Variants in KMT5B observed in about 807,000 individuals in gnomAD.
KMT5B encodes the protein histone-lysine N-methyltransferase KMT5B.
In KMT5B, 10 loss-of-function variants were observed where a neutral mutation model predicts 83.2. The ratio of observed to expected loss-of-function variants is 0.12; its 90% CI spans 0.07 to 0.20. The LOEUF (loss-of-function observed/expected upper bound fraction) is 0.20. Among genes scored for constraint, KMT5B ranks in the 10% least tolerant of loss-of-function variants. KMT5B has a pLI of 1.00. For synonymous variants in KMT5B, 349 were observed against 388.8 expected, an observed-to-expected ratio of 0.90 and a Z score of 1.20; for missense variants, 753 against 1,067.2, an observed-to-expected ratio of 0.71 and a Z score of 4.10.
chr11:68,158,054 A>G lies in KMT5B; in HGVS notation c.2292T>C (p.Asn764=). 2 of 1,614,174 alleles carry G rather than the reference A, an allele frequency of 1.2e-6. No homozygotes were observed. Among genetic ancestry groups the G allele is most frequent in the South Asian group, 2.2e-5 (2 of 91,088 alleles). ...DNNLYVAKLN[N]GFNSGSGSSS... ...TACTGCCTGATCCTGAGTTAAATCC[A>G]TTATTAAGCTTTGCTACATAGAGAT... Residue 764 remains asparagine, a synonymous_variant, in exon 11 of 11, where the codon AAT becomes AAC. Coordinates refer to ENST00000304363, the MANE Select transcript of KMT5B (RefSeq NM_017635.5).
At chr11:68,204,611 GTTTTTTT>G (rs34315868) in intron 1 of KMT5B, among the ~76,000 whole-genome samples, 2 of 106,150 alleles carry the variant, frequency 1.9e-5, no homozygotes, top group East Asian at 3.1e-4. Flanking sequence ...TAAATTTCCG[GTTTTTTT>G]TTTTTTTTTT....
chr11:68,172,625 T>C (rs1381139046), intron 6 of KMT5B, among the ~76,000 whole-genome samples: 1 of 152,116 alleles, frequency 6.6e-6, no homozygotes, highest in African/African-American at 2.4e-5. Context: ...AAATCTGGTG[T>C]GTATAGCACA....
rs1357722953 is a variant in KMT5B at position 68,167,272 on chromosome 11, G to C, written c.978-94C>G. ...GGTACTTGGCTACAGGTTAACAGATGTGATGAGCTGCTGAGGCCTTAATCA... is the reference window on the plus strand; with the variant it reads ...GGTACTTGGCTACAGGTTAACAGATCTGATGAGCTGCTGAGGCCTTAATCA... On this transcript the variant is annotated intron_variant, in intron 9 of 10. Coordinates refer to ENST00000304363, the MANE Select transcript of KMT5B (RefSeq NM_017635.5). 2.7e-6 allele frequency: 4 copies of C among 1,462,296 alleles called. No homozygotes were observed. In the Admixed American group the frequency reaches 7.0e-5, roughly 26 times the overall value. 90.6% of individuals were successfully genotyped at this position (1,462,296 alleles called of 1,614,324 possible). A position where few individuals can be genotyped will look rare whatever the true frequency, so the allele number is the denominator to read the frequency against.
chr11:68,195,190 A>G (rs1379095963), intron 1 of KMT5B, among the ~76,000 whole-genome samples: 2 of 152,168 alleles, frequency 1.3e-5, no homozygotes, highest in Non-Finnish European at 2.9e-5. Flanking sequence ...ATGAAGTGGT[A>G]AATTTATATA....
At chr11:68,174,318 C>T (rs1856137878) in intron 5 of KMT5B, 1 of 338,398 alleles carries the variant, frequency 3.0e-6, no homozygotes, top group Non-Finnish European at 5.8e-6. Context: ...GCAATATTTG[C>T]ATTACAGTAA....
chr11:68,189,849 T>A, intron 2 of KMT5B, 68 bp downstream of exon 2: 1 of 1,471,112 alleles, frequency 6.8e-7, no homozygotes. Context: ...AGAATACACA[T>A]TACAAACTGG....
chr11:68,169,020 T>C (rs1855587148), intron 9 of KMT5B, among the ~76,000 whole-genome samples: 1 of 152,236 alleles, frequency 6.6e-6, no homozygotes, highest in African/African-American at 2.4e-5. Context: ...TTGGTGTTTA[T>C]GAGAACTTCA....
chr11:68,157,483 A>C lies in KMT5B; in HGVS notation c.*205T>G. 1.5e-6 allele frequency: 1 copy of C among 683,288 alleles called. No individual in the cohort carries two copies. The highest frequency in any genetic ancestry group is 2.1e-6 in the Non-Finnish European group (1 of 482,034). The allele number at this position is 683,288 out of a possible 1,614,324, so 42.3% of individuals were successfully genotyped here. Reference sequence around the variant, plus strand: ...TACCTCTAACTCAGAATTGCACGTAAGAAGGCTATTTAAAAAGTACGATAA... The same window carrying C: ...TACCTCTAACTCAGAATTGCACGTACGAAGGCTATTTAAAAAGTACGATAA... On this transcript the variant is annotated 3_prime_UTR_variant, in exon 11 of 11. Transcript: ENST00000304363.
chr11:68,193,390 A>C (rs1387275126), intron 1 of KMT5B, among the ~76,000 whole-genome samples: 3 of 152,176 alleles, frequency 2.0e-5, no homozygotes, highest in Non-Finnish European at 4.4e-5. Context: ...AATGATACTC[A>C]ACACAAACAC....
intron 3 of KMT5B, among the ~76,000 whole-genome samples, chr11:68,181,368 C>T (rs904571218): frequency 2.0e-5 from 3 of 152,076 alleles, no homozygotes; most frequent in African/African-American, 7.2e-5. Context: ...CCATCACGCC[C>T]GGGCTAAACA....
At chr11:68,181,097 T>TA (rs1237440141) in intron 3 of KMT5B, among the ~76,000 whole-genome samples, 7 of 150,592 alleles carry the variant, frequency 4.6e-5, no homozygotes, top group East Asian at 2.0e-4. Flanking sequence ...TTTTTGGAGA[T>TA]AGAGTCTCAC....
intron 1 of KMT5B, among the ~76,000 whole-genome samples, chr11:68,209,867 CTTT>C (rs368207944): frequency 2.8e-5 from 4 of 141,350 alleles, no homozygotes; most frequent in Non-Finnish European, 3.0e-5. Flanking sequence ...TTCTTTCCCC[CTTT>C]TTTTTTTTTT....
chr11:68,166,231 CA>C, intron 10 of KMT5B: 1 of 1,239,444 alleles, frequency 8.1e-7, no homozygotes, highest in South Asian at 2.6e-5. Context: ...TCCAATATTT[CA>C]AAGCTCCGCA....
At position 68,166,950 on chromosome 11, in the gene KMT5B, A is replaced by G. The variant is rs768736277; in HGVS notation, c.1174+32T>C. On this transcript the variant is annotated intron_variant, in intron 10 of 10. Coordinates refer to ENST00000304363, the MANE Select transcript of KMT5B (RefSeq NM_017635.5). ...AGCAAATTGTGTGAAAATACTTTTA[A>G]AAGATATGCTTATCAAATCTCCCTT... The G allele has an allele frequency of 1.9e-6, 3 of 1,608,106 alleles. No individual in the cohort carries two copies. The South Asian group carries it at 3.3e-5, about 18-fold the overall frequency.
chr11:68,211,417 G>A (rs1860879994), intron 1 of KMT5B, among the ~76,000 whole-genome samples: 1 of 152,182 alleles, frequency 6.6e-6, no homozygotes, highest in Non-Finnish European at 1.5e-5. Flanking sequence ...TCTTATTGAA[G>A]AAATATCTAC....
intron 10 of KMT5B, among the ~76,000 whole-genome samples, chr11:68,163,460 G>A (rs1236816344): frequency 3.3e-5 from 5 of 152,176 alleles, no homozygotes; most frequent in Non-Finnish European, 1.5e-5. Flanking sequence ...TACGGGTAAA[G>A]GCCCCACTGC....
intron 6 of KMT5B, 56 bp downstream of exon 6, chr11:68,173,748 T>C (rs1590962959): frequency 8.4e-7 from 1 of 1,189,064 alleles, no homozygotes; most frequent in South Asian, 1.4e-5. Context: ...ACTTCAACAA[T>C]AATTTAGAAG....
intron 4 of KMT5B, chr11:68,176,826 AT>A (rs1337737120): frequency 6.6e-6 from 1 of 152,160 alleles, no homozygotes; most frequent in Admixed American, 6.5e-5. Flanking sequence ...GGAATCACCG[AT>A]TGCCATTCAA....
At chr11:68,205,240 T>C (rs1015223338) in intron 1 of KMT5B, among the ~76,000 whole-genome samples, 1 of 151,556 alleles carries the variant, frequency 6.6e-6, no homozygotes, top group Non-Finnish European at 1.5e-5. Context: ...ATCATGGGAG[T>C]CCAGGAGGTA....
Sources: gnomAD v4.1 joint callset for allele counts (sites outside exome capture counted in the v4.1 genomes callset) on GRCh38, gnomAD v4.1.1 for gene constraint, MANE v1.5 for transcripts, NCBI Gene and HGNC (gene_info 2026-07-23, HGNC 2026-07-21) for gene names.